The following ITGA3 variants were observed in gnomAD, a reference collection of about 807,000 sequenced individuals.
ITGA3 encodes integrin subunit alpha 3.
ITGA3 carries 70 observed loss-of-function variants against 131.1 expected under a neutral mutation model. The ratio of observed to expected loss-of-function variants is 0.53; its 90% CI spans 0.44 to 0.65. The LOEUF is 0.65. Among genes scored for constraint, ITGA3 ranks in the 30% least tolerant of loss-of-function variants. The pLI is 0.00. For missense variants in ITGA3, 1,098 were observed against 1,388.6 expected, an observed-to-expected ratio of 0.79 and a Z score of 3.33; for synonymous variants, 537 against 571.6, an observed-to-expected ratio of 0.94 and a Z score of 0.86.
chr17:50,068,435 A>G (rs1293663096), intron 4 of ITGA3, 130 bp downstream of exon 4: 2 of 954,238 alleles, frequency 2.1e-6, no homozygotes, highest in East Asian at 5.1e-5. Context: ...AGCAACCACC[A>G]TGACTTCTAC....
intron 25 of ITGA3, 136 bp downstream of exon 25, chr17:50,088,502 A>G: frequency 1.7e-6 from 1 of 581,974 alleles, no homozygotes; most frequent in Non-Finnish European, 3.1e-6. Context: ...AGATCAGGTC[A>G]CTCTGACTGT....
chr17:50,074,682 C>T (rs1908800581), intron 10 of ITGA3, 148 bp downstream of exon 10: 1 of 619,330 alleles, frequency 1.6e-6, no homozygotes, highest in Non-Finnish European at 2.8e-6. Context: ...TACCCAACCT[C>T]ATTAAAAAGC....
intron 13 of ITGA3, 38 bp downstream of exon 13, chr17:50,076,513 C>T: frequency 6.2e-7 from 1 of 1,607,346 alleles, no homozygotes; most frequent in Non-Finnish European, 8.5e-7. Flanking sequence ...AGACCAGGGG[C>T]CAGAAGGGCG....
intron 1 of ITGA3, chr17:50,063,525 G>A (rs1209624383): frequency 6.4e-6 from 1 of 155,400 alleles, no homozygotes; most frequent in African/African-American, 2.4e-5. Context: ...GCTCTCTTCT[G>A]GTCTACCTTC....
chr17:50,083,778 T>C (rs984768532), intron 23 of ITGA3, among the ~76,000 whole-genome samples: 2 of 149,156 alleles, frequency 1.3e-5, no homozygotes, highest in Non-Finnish European at 3.0e-5. Flanking sequence ...TTTTTAAAAA[T>C]GTTTACAGCA....
At position 50,076,475 on chromosome 17, in the gene ITGA3, G is replaced by A. The variant is rs1908900536; in HGVS notation, c.1824G>A (p.Glu608=). 3.1e-6 allele frequency: 5 copies of A among 1,608,518 alleles called. No homozygotes were observed. ...CACAGGCTCTGGAGAACCACACTGA[G>A]GTGAGTGGGGCTGGCGCCTGGACTG... is the stretch of plus-strand genomic sequence containing the variant. ...NQAQALENHT[E]VQFQKECGPD... Residue 608 remains glutamate (E), a splice_region_variant and synonymous_variant, in exon 13 of 26, where the codon GAG becomes GAA. Coordinates refer to ENST00000320031, the MANE Select transcript of ITGA3 (RefSeq NM_002204.4).
Position 50,056,746 on chromosome 17 carries a change from A to C in ITGA3, c.206+101A>C. 1 of 1,242,012 alleles carries C rather than the reference A, an allele frequency of 8.1e-7. No individual in the cohort carries two copies. 76.9% of individuals were successfully genotyped at this position (1,242,012 alleles called of 1,614,324 possible). A position where few individuals can be genotyped will look rare whatever the true frequency, so the allele number is the denominator to read the frequency against. On this transcript the variant is annotated intron_variant, in intron 1 of 25. Transcript: ENST00000320031. The surrounding 1 kb of genome is among the most constrained non-coding windows in gnomAD (Gnocchi z 5.6). ...GAGCCCAGGGCAGCTGGCCCTTGGG[A>C]GCCAGGATTAAGGGGCGGCCCTCTG... is the stretch of plus-strand genomic sequence containing the variant.
At chr17:50,058,590 G>T (rs1907936853) in intron 1 of ITGA3, among the ~76,000 whole-genome samples, 1 of 152,246 alleles carries the variant, frequency 6.6e-6, no homozygotes, top group African/African-American at 2.4e-5. Context: ...CCTGCCAAGA[G>T]CCCAGAAGGT....
intron 1 of ITGA3, among the ~76,000 whole-genome samples, chr17:50,061,201 G>T (rs1208560149): frequency 6.6e-6 from 1 of 152,180 alleles, no homozygotes. Context: ...TGGGATTAGG[G>T]CACTGGCCCT....
rs1230731458 is a variant in ITGA3 at position 50,076,966 on chromosome 17, G to T, written c.1923-8G>T. 1 of 1,600,930 alleles carries T rather than the reference G, an allele frequency of 6.2e-7. No individual in the cohort carries two copies. Among genetic ancestry groups the T allele is most frequent in the South Asian group, 1.1e-5 (1 of 90,086 alleles). ...GCTCTTGGCTGAGTCCTGGGCTCCTGCTCTCAGGCTCCAGTACAGCAGAGA... is the reference window on the plus strand; with the variant it reads ...GCTCTTGGCTGAGTCCTGGGCTCCTTCTCTCAGGCTCCAGTACAGCAGAGA... On this transcript the variant is annotated splice_polypyrimidine_tract_variant and splice_region_variant and intron_variant, in intron 14 of 25. Transcript: ENST00000320031.
At chr17:50,067,139 T>TA (rs2144270661) in intron 3 of ITGA3, among the ~76,000 whole-genome samples, 2 of 152,314 alleles carry the variant, frequency 1.3e-5, no homozygotes, top group Non-Finnish European at 2.9e-5. Context: ...GCCCCTACTG[T>TA]GTACCAAACA....
chr17:50,062,216 C>A (rs1255233394), intron 1 of ITGA3, among the ~76,000 whole-genome samples: 1 of 152,168 alleles, frequency 6.6e-6, no homozygotes, highest in Non-Finnish European at 1.5e-5. Flanking sequence ...CCTCTAGCAA[C>A]CCTGGAGGTC....
chr17:50,081,272 T>C lies in ITGA3; in HGVS notation c.2821-38T>C, dbSNP rs559228306. 26 of 1,354,400 alleles carry C rather than the reference T, an allele frequency of 1.9e-5. No homozygotes were observed. The African/African-American group carries it at 2.6e-4, about 14-fold the overall frequency. 83.9% of individuals were successfully genotyped at this position (1,354,400 alleles called of 1,614,324 possible). On this transcript the variant is annotated intron_variant, in intron 22 of 25. Coordinates refer to ENST00000320031, the MANE Select transcript of ITGA3 (RefSeq NM_002204.4). The stretch of plus-strand genomic sequence containing the variant: ...GGTCGGAGGTAGGCTCAGAGAAGTG[T>C]CAAGTGTTCCCCTTGACCCACCCCA...
At chr17:50,079,337 C>A in intron 20 of ITGA3, 79 bp downstream of exon 20, 3 of 1,564,034 alleles carry the variant, frequency 1.9e-6, no homozygotes, top group Non-Finnish European at 2.6e-6. Context: ...TCCCCTCATA[C>A]CCCTTTGGCA....
At position 50,079,142 on chromosome 17, in the gene ITGA3, G is replaced by T; in HGVS notation, c.2467G>T (p.Glu823Ter). 6.2e-7 allele frequency: 1 copy of T among 1,613,968 alleles called. No homozygotes were observed. The highest frequency in any genetic ancestry group is 8.5e-7 in the Non-Finnish European group (1 of 1,179,970). Residue 823 changes from glutamate to a stop codon, truncating the protein, a stop_gained, in exon 20 of 26, where the codon GAA becomes TAA. Transcript: ENST00000320031. LOFTEE classifies it high-confidence loss of function. ...TLVLGLEWPY[E>*]VSNGKWLLYP... ...GGTCCTAGGTCTGGAGTGGCCCTAC[G>T]AAGTCAGCAATGGCAAGTGGCTGCT...
At chr17:50,081,176 G>C in intron 22 of ITGA3, 134 bp from the exon 23 acceptor site, 1 of 610,122 alleles carries the variant, frequency 1.6e-6, no homozygotes, top group South Asian at 2.1e-5. Flanking sequence ...GGGAGGCCTG[G>C]CTGACAGATC....
In ITGA3 at chr17:50,087,897, G is replaced by A. The variant is rs112834697; in HGVS notation, c.3045+28G>A. On this transcript the variant is annotated intron_variant, in intron 24 of 25. Transcript: ENST00000320031. ...TAGTAGCCCAGCCCACTCCTGCTCC[G>A]GGACCTCCACCAGCACACTCACCAG... 128 of 1,532,858 alleles carry A rather than the reference G, an allele frequency of 8.4e-5. No homozygotes were observed. In the African/African-American group the frequency reaches 1.4e-3, roughly 17 times the overall value. The allele number at this position is 1,532,858 out of a possible 1,614,324, so 95.0% of individuals were successfully genotyped here.
At chr17:50,070,006 C>T (rs924751056) in intron 4 of ITGA3, among the ~76,000 whole-genome samples, 1 of 152,212 alleles carries the variant, frequency 6.6e-6, no homozygotes, top group Non-Finnish European at 1.5e-5. Flanking sequence ...GCTCTGGGCT[C>T]ACCGAAGGCT....
rs1484639528 is a variant in ITGA3 at position 50,089,292 on chromosome 17, C to T, written c.*214C>T. Reference sequence around the variant, plus strand: ...GTCCTCCCTGATCCCACCCCCTCCTCCCCCAGTGTCCCCTTTCTTCCTATT... The same window carrying T: ...GTCCTCCCTGATCCCACCCCCTCCTTCCCCAGTGTCCCCTTTCTTCCTATT... On this transcript the variant is annotated 3_prime_UTR_variant, in exon 26 of 26. Coordinates refer to ENST00000320031, the MANE Select transcript of ITGA3 (RefSeq NM_002204.4). 10 of 1,587,712 alleles carry T rather than the reference C, an allele frequency of 6.3e-6. No homozygotes were observed. The highest frequency in any genetic ancestry group is 1.3e-5 in the African/African-American group (1 of 74,244).
Sources: allele counts gnomAD v4.1 joint callset (sites outside exome capture counted in the v4.1 genomes callset), GRCh38; gene constraint gnomAD v4.1.1; non-coding constraint Gnocchi (gnomAD v3.1); transcripts MANE v1.5; gene names NCBI Gene and HGNC (gene_info 2026-07-23, HGNC 2026-07-21).